GRIP1: variants seen among roughly 807,000 people sequenced by gnomAD.
GRIP1 encodes the protein glutamate receptor interacting protein 1.
GRIP1 carries 45 observed loss-of-function variants against 129.9 expected under a neutral mutation model. The observed-to-expected ratio is 0.35, with a 90% CI of 0.27 to 0.44. GRIP1 has a LOEUF of 0.44. Ranked by LOEUF, GRIP1 falls within the 20% of genes least tolerant of loss-of-function variation. The pLI is 1.00. For missense variants in GRIP1, 1,196 were observed against 1,396.8 expected (o/e 0.86, Z 2.29); for synonymous variants, 530 against 520.8 (o/e 1.02, Z -0.24).
intron 1 of GRIP1, among the ~76,000 whole-genome samples, chr12:66,973,880 T>C (rs1345042016): frequency 6.6e-6 from 1 of 151,676 alleles, no homozygotes; most frequent in Non-Finnish European, 1.5e-5. Context: ...CTCTAGAGTT[T>C]TCCTAGAATA....
chr12:66,700,195 A>T (rs2035301948), intron 1 of GRIP1, among the ~76,000 whole-genome samples: 1 of 152,122 alleles, frequency 6.6e-6, no homozygotes, highest in Non-Finnish European at 1.5e-5. Context: ...AAGGGGAAAG[A>T]TGTTCCAGGC....
intron 1 of GRIP1, among the ~76,000 whole-genome samples, chr12:66,775,541 G>T (rs1374701872): frequency 6.6e-6 from 1 of 152,078 alleles, no homozygotes; most frequent in African/African-American, 2.4e-5. Flanking sequence ...AACTGGTTCT[G>T]GGATGGAATC....
intron 1 of GRIP1, among the ~76,000 whole-genome samples, chr12:66,731,468 T>C (rs961090470): frequency 6.6e-6 from 1 of 152,218 alleles, no homozygotes; most frequent in Non-Finnish European, 1.5e-5. Context: ...TACTGTTAAG[T>C]AAGATGTTAT....
Position 66,465,341 on chromosome 12 carries a change from G to A in GRIP1, c.806C>T (p.Thr269Ile). ...PGASLGVALT[T>I]SMCCNKQVIV... ...GACTTGTTTGTTACAGCACATCGAG[G>A]TAGTTAGGGCAACCCCAAGGCTGGC... Residue 269 changes from threonine to isoleucine, a missense_variant, in exon 8 of 25, where the codon ACC becomes ATC. By Grantham distance (89) the Thr-to-Ile change is moderately conservative. Transcript: ENST00000359742. 1.2e-6 allele frequency: 2 copies of A among 1,613,726 alleles called. No homozygotes were observed. Among genetic ancestry groups the A allele is most frequent in the Non-Finnish European group, 8.5e-7 (1 of 1,179,616 alleles).
At position 66,913,409 on chromosome 12, in the gene GRIP1, A is replaced by G. The variant is rs139201034; in HGVS notation, c.58+155641T>C. 3.6e-3 allele frequency among the ~76,000 whole-genome samples: 551 copies of G among 152,278 alleles called. 3 individuals are homozygous for G. Among genetic ancestry groups the G allele is most frequent in the African/African-American group, 0.011 (468 of 41,560 alleles). On this transcript the variant is annotated intron_variant, in intron 1 of 1. Coordinates refer to the GRIP1 transcript ENST00000643019. ...GAATATCTTAGCAACAGGTATCACA[A>G]CCTCAGAAAAAAACAAAACAACAAC...
At chr12:66,626,029 A>G (rs2029976753) in intron 1 of GRIP1, among the ~76,000 whole-genome samples, 1 of 152,120 alleles carries the variant, frequency 6.6e-6, no homozygotes, top group South Asian at 2.1e-4. Flanking sequence ...GGCAGAGGGA[A>G]GAACAAGCTT....
At chr12:66,528,068 T>C (rs2061317792) in intron 5 of GRIP1, among the ~76,000 whole-genome samples, 1 of 151,674 alleles carries the variant, frequency 6.6e-6, no homozygotes, top group Non-Finnish European at 1.5e-5. Flanking sequence ...AGGCACAGTC[T>C]TTAAGGAATA....
chr12:66,901,222 T>A (rs1184531673), intron 1 of GRIP1, among the ~76,000 whole-genome samples: 2 of 152,064 alleles, frequency 1.3e-5, no homozygotes, highest in Non-Finnish European at 2.9e-5. Flanking sequence ...AGAGGGGGAG[T>A]TAGTTCATCA....
intron 1 of GRIP1, among the ~76,000 whole-genome samples, chr12:66,811,377 G>A (rs1388478794): frequency 6.6e-6 from 1 of 152,166 alleles, no homozygotes; most frequent in Non-Finnish European, 1.5e-5. Flanking sequence ...TGTGTCTTAG[G>A]AGGAAAGAGT....
chr12:66,515,661 G>T lies in GRIP1; in HGVS notation c.682C>A (p.Gln228Lys). The T allele has an allele frequency of 6.2e-7, 1 of 1,613,446 alleles. No homozygotes were observed. The highest frequency in any genetic ancestry group is 8.5e-7 in the Non-Finnish European group (1 of 1,179,468). The change falls in exon 7 of 25, where the codon CAA (glutamine) becomes AAA (lysine). Residue 228 changes from glutamine to lysine, a missense_variant. By Grantham distance (53) the Gln-to-Lys change is moderately conservative. Coordinates refer to ENST00000359742, the MANE Select transcript of GRIP1 (RefSeq NM_001366722.1). ...EAMSILKQCG[Q>K]EAALLIEYDV... is the part of the protein sequence containing the mutation. ...TATTCTATCAGCAGTGCTGCTTCTT[G>T]TCCACATTGTTTAAGAATACTCATG...
intron 2 of GRIP1, among the ~76,000 whole-genome samples, chr12:66,585,873 A>C (rs2063611664): frequency 6.6e-6 from 1 of 151,724 alleles, no homozygotes; most frequent in African/African-American, 2.4e-5. Context: ...GCATTTTTTC[A>C]TGTGTTTTTT....
At chr12:66,500,158 T>A (rs955045031) in intron 7 of GRIP1, among the ~76,000 whole-genome samples, 10 of 152,186 alleles carry the variant, frequency 6.6e-5, no homozygotes, top group African/African-American at 7.2e-5. Flanking sequence ...GTCAAGTGCT[T>A]TAAAGGTATT....
At chr12:66,649,404 G>A (rs2032621661) in intron 1 of GRIP1, among the ~76,000 whole-genome samples, 1 of 152,158 alleles carries the variant, frequency 6.6e-6, no homozygotes, top group Non-Finnish European at 1.5e-5. Context: ...TCTGGGCAGA[G>A]AAAAAGGTCC....
intron 5 of GRIP1, among the ~76,000 whole-genome samples, chr12:66,525,544 G>A (rs1391667412): frequency 1.3e-5 from 2 of 151,528 alleles, no homozygotes; most frequent in Non-Finnish European, 2.9e-5. Context: ...AATAATAAGA[G>A]CTATCTATGA....
chr12:66,411,618 G>A (rs1194162404), intron 15 of GRIP1, among the ~76,000 whole-genome samples: 1 of 152,170 alleles, frequency 6.6e-6, no homozygotes, highest in African/African-American at 2.4e-5. Flanking sequence ...CACAGAACTG[G>A]GCTGAAGCTG....
At chr12:66,583,588 G>C (rs574914509) in intron 2 of GRIP1, among the ~76,000 whole-genome samples, 1 of 138,174 alleles carries the variant, frequency 7.2e-6, no homozygotes, top group East Asian at 2.1e-4. Context: ...CCATCAAAAA[G>C]TGGGCGAAGG....
chr12:66,605,510 T>G (rs1186800154), intron 1 of GRIP1, among the ~76,000 whole-genome samples: 1 of 152,190 alleles, frequency 6.6e-6, no homozygotes, highest in African/African-American at 2.4e-5. Context: ...GGTCTAAATC[T>G]TGTGCCAGTG....
chr12:66,852,755 G>C (rs965284363), intron 1 of GRIP1, among the ~76,000 whole-genome samples: 6 of 151,838 alleles, frequency 4.0e-5, no homozygotes, highest in African/African-American at 1.4e-4. Context: ...ACATTTACTT[G>C]TTACATTATT....
At chr12:66,990,629 GTTC>G (rs1012691811) in intron 1 of GRIP1, among the ~76,000 whole-genome samples, 2 of 152,204 alleles carry the variant, frequency 1.3e-5, no homozygotes, top group Non-Finnish European at 2.9e-5. Flanking sequence ...ACACATATCT[GTTC>G]TTCTCACTAA....
Sources: gnomAD v4.1 joint callset for allele counts (sites outside exome capture counted in the v4.1 genomes callset) on GRCh38, gnomAD v4.1.1 for gene constraint, MANE v1.5 for transcripts, NCBI Gene and HGNC (gene_info 2026-07-23, HGNC 2026-07-21) for gene names.